Variants in RPAP2 observed in about 807,000 individuals in gnomAD.
RPAP2 encodes putative RNA polymerase II subunit B1 CTD phosphatase RPAP2.
A neutral mutation model predicts 73.1 loss-of-function variants in RPAP2; 52 were observed. The ratio of observed to expected loss-of-function variants is 0.71; its 90% CI spans 0.57 to 0.90. RPAP2 has a LOEUF of 0.90. Ranked by LOEUF, RPAP2 falls within the 40% of genes least tolerant of loss-of-function variation. RPAP2 has a pLI of 0.00. For synonymous variants in RPAP2, 225 were observed against 242.1 expected, an observed-to-expected ratio of 0.93 and a Z score of 0.65; for missense variants, 598 against 701.8, an observed-to-expected ratio of 0.85 and a Z score of 1.67.
chr1:92,346,280 C>T (rs12091427), intron 11 of RPAP2, among the ~76,000 whole-genome samples: 7,231 of 152,030 alleles, frequency 0.048, 600 homozygotes, highest in African/African-American at 0.16. Flanking sequence ...TCTCCCACCT[C>T]AGCCTCTCTA....
chr1:92,331,358 TG>T (rs1652954150), intron 8 of RPAP2, among the ~76,000 whole-genome samples: 1 of 152,192 alleles, frequency 6.6e-6, no homozygotes, highest in African/African-American at 2.4e-5. Flanking sequence ...ATACAGTATT[TG>T]GGTTTAAATC....
chr1:92,374,736 T>G (rs1655314264), intron 11 of RPAP2, among the ~76,000 whole-genome samples: 1 of 152,154 alleles, frequency 6.6e-6, no homozygotes, highest in African/African-American at 2.4e-5. Flanking sequence ...TAACATGGAA[T>G]TCAGAAAATG....
Position 92,399,687 on chromosome 1 carries a change from A to C in RPAP2, c.*12676A>C, listed in dbSNP as rs1656268019. The C allele has an allele frequency of 6.6e-6, 1 of 152,228 alleles. No individual in the cohort carries two copies. The highest frequency in any genetic ancestry group is 2.4e-5 in the African/African-American group (1 of 41,456). The allele number at this position is 152,228 out of a possible 1,614,324, so 9.4% of individuals were successfully genotyped here. A position where few individuals can be genotyped will look rare whatever the true frequency, so the allele number is the denominator to read the frequency against. ...TACCCATCTTCATTTTTTATATGAA[A>C]AAGCATAGCCTATGATCTGTCACCT... On this transcript the variant is annotated 3_prime_UTR_variant, in exon 13 of 13. Coordinates refer to ENST00000610020, the MANE Select transcript of RPAP2 (RefSeq NM_024813.3).
At chr1:92,381,419 C>T (rs1655623130) in intron 12 of RPAP2, among the ~76,000 whole-genome samples, 1 of 152,142 alleles carries the variant, frequency 6.6e-6, no homozygotes, top group Non-Finnish European at 1.5e-5. Flanking sequence ...TTCAGAACTG[C>T]CCATCAGAAT....
chr1:92,371,908 A>AC (rs34249079), intron 11 of RPAP2, among the ~76,000 whole-genome samples: 1 of 150,364 alleles, frequency 6.7e-6, no homozygotes, highest in African/African-American at 2.4e-5. Flanking sequence ...AAAAAAAAAA[A>AC]CCAGAAAAAG....
intron 11 of RPAP2, among the ~76,000 whole-genome samples, chr1:92,371,134 G>A (rs967861107): frequency 2.8e-4 from 43 of 151,796 alleles, no homozygotes; most frequent in South Asian, 6.3e-4. Context: ...GTGAAACCCC[G>A]TCTCTACTAA....
chr1:92,338,939 T>C (rs1022458676), intron 10 of RPAP2, among the ~76,000 whole-genome samples: 6 of 152,180 alleles, frequency 3.9e-5, no homozygotes, highest in Middle Eastern at 3.4e-3. Flanking sequence ...GACTTGCCAT[T>C]CACCCTCCTG....
rs1330032223 is a variant in RPAP2, at chr1:92,390,000, A to G, written c.*2989A>G. 1.3e-5 allele frequency: 2 copies of G among 152,262 alleles called. No individual in the cohort carries two copies. Among genetic ancestry groups the G allele is most frequent in the African/African-American group, 4.8e-5 (2 of 41,454 alleles). 9.4% of individuals were successfully genotyped at this position (152,262 alleles called of 1,614,324 possible). On this transcript the variant is annotated 3_prime_UTR_variant, in exon 13 of 13. Transcript: ENST00000610020. ...GATATTATCCAGGAGAGCTTCCCCAACCTAGCAAGGAAGGCCAACATTCAA... is the reference window on the plus strand; with the variant it reads ...GATATTATCCAGGAGAGCTTCCCCAGCCTAGCAAGGAAGGCCAACATTCAA...
intron 8 of RPAP2, among the ~76,000 whole-genome samples, chr1:92,325,987 A>C (rs2101191001): frequency 6.6e-6 from 1 of 152,252 alleles, no homozygotes. Context: ...CAATATTCTT[A>C]GGAACTTTCT....
intron 11 of RPAP2, among the ~76,000 whole-genome samples, chr1:92,371,428 G>A (rs1459377777): frequency 6.6e-6 from 1 of 151,666 alleles, no homozygotes; most frequent in East Asian, 1.9e-4. Flanking sequence ...AGATAGATAA[G>A]ATAGATCCAC....
At chr1:92,331,922 T>C (rs1652994215) in intron 8 of RPAP2, among the ~76,000 whole-genome samples, 4 of 152,156 alleles carry the variant, frequency 2.6e-5, no homozygotes, top group African/African-American at 9.6e-5. Flanking sequence ...GAGCAGTTAT[T>C]TTCTTTCAGC....
At chr1:92,368,795 T>G (rs1655031004) in intron 11 of RPAP2, among the ~76,000 whole-genome samples, 1 of 152,256 alleles carries the variant, frequency 6.6e-6, no homozygotes, top group African/African-American at 2.4e-5. Context: ...TTTTGATGTG[T>G]AGCATATGTG....
intron 6 of RPAP2, among the ~76,000 whole-genome samples, chr1:92,307,801 A>G (rs1304538069): frequency 6.6e-6 from 1 of 152,070 alleles, no homozygotes; most frequent in Non-Finnish European, 1.5e-5. Context: ...AATACTGGCA[A>G]TGTTTTACTA....
Position 92,380,935 on chromosome 1 carries a change from T to C in RPAP2, c.1838+62T>C, listed in dbSNP as rs906312524. 7.3e-6 allele frequency: 10 copies of C among 1,367,916 alleles called. 1 individual carries two copies. In the Admixed American group the frequency reaches 1.4e-4, roughly 19 times the overall value. 84.7% of individuals were successfully genotyped at this position (1,367,916 alleles called of 1,614,324 possible). Reference sequence around the variant, plus strand: ...TCATTTGTTGCCTATGTGGATTCTTTTTTTTTTTAATTGGAAATTGTAAAA... The same window carrying C: ...TCATTTGTTGCCTATGTGGATTCTTCTTTTTTTTAATTGGAAATTGTAAAA... On this transcript the variant is annotated intron_variant, in intron 12 of 12. Coordinates refer to ENST00000610020, the MANE Select transcript of RPAP2 (RefSeq NM_024813.3).
intron 12 of RPAP2, among the ~76,000 whole-genome samples, chr1:92,385,206 G>GA (rs1304044340): frequency 6.7e-6 from 1 of 149,578 alleles, no homozygotes; most frequent in East Asian, 1.9e-4. Context: ...TTCTATTTCA[G>GA]ACTGAGAGCA....
rs1043664203 is a variant in RPAP2 at position 92,389,845 on chromosome 1, A to C, written c.*2834A>C. On this transcript the variant is annotated 3_prime_UTR_variant, in exon 13 of 13. Coordinates refer to ENST00000610020, the MANE Select transcript of RPAP2 (RefSeq NM_024813.3). ...TAAAGCGAGAGGACAAGATTAGAGA[A>C]AAAAGAGTGAAAAGAAATGAACAAA... The C allele has an allele frequency of 6.6e-6, 1 of 152,206 alleles. No homozygotes were observed. The highest frequency in any genetic ancestry group is 2.4e-5 in the African/African-American group (1 of 41,456). 9.4% of individuals were successfully genotyped at this position (152,206 alleles called of 1,614,324 possible).
intron 11 of RPAP2, among the ~76,000 whole-genome samples, chr1:92,364,821 C>T (rs1009192417): frequency 5.9e-5 from 9 of 151,742 alleles, no homozygotes; most frequent in Non-Finnish European, 1.5e-5. Flanking sequence ...ACTAGTCCAT[C>T]CTTCCCTCTA....
In RPAP2 at chr1:92,299,119, G is replaced by T; in HGVS notation, c.46G>T (p.Ala16Ser). The change falls in exon 1 of 13, where the codon GCT becomes TCT. Residue 16 changes from alanine (A) to serine (S), a missense_variant. Around this residue, in one of 3 missense-constraint regions of RPAP2, gnomAD observed 77 missense variants for 55.7 expected, o/e 1.38. Transcript: ENST00000610020. The part of the protein sequence containing the change: ...GPSSAGRKAG[A>S]PRCSRKAAGT... ...GTCTTCTGCCGGCCGCAAGGCCGGG[G>T]CTCCCCGCTGCTCTCGAAAAGCCGC... The T allele has an allele frequency of 6.6e-7, 1 of 1,521,978 alleles. No individual in the cohort carries two copies. Among genetic ancestry groups the T allele is most frequent in the Non-Finnish European group, 8.8e-7 (1 of 1,131,582 alleles). The allele number at this position is 1,521,978 out of a possible 1,614,324, so 94.3% of individuals were successfully genotyped here.
intron 11 of RPAP2, among the ~76,000 whole-genome samples, chr1:92,362,661 G>A (rs1425847118): frequency 6.6e-6 from 1 of 152,174 alleles, no homozygotes; most frequent in Non-Finnish European, 1.5e-5. Flanking sequence ...TGCAATTTTT[G>A]TGGTGGTGAA....
Sources: gnomAD v4.1 joint callset for allele counts (sites outside exome capture counted in the v4.1 genomes callset) on GRCh38, gnomAD v4.1.1 for gene constraint, gnomAD v4.1.1 regional missense constraint, MANE v1.5 for transcripts, NCBI Gene and HGNC (gene_info 2026-07-23, HGNC 2026-07-21) for gene names.